The following LIPI variants were observed in gnomAD, a reference collection of about 807,000 sequenced individuals.
LIPI encodes the protein lipase I.
LIPI carries 59 observed loss-of-function variants against 50.6 expected under a neutral mutation model. The observed-to-expected ratio is 1.16, with a 90% CI of 0.94 to 1.45. The LOEUF is 1.45. Ranked by LOEUF, LIPI falls within the 40% of genes most tolerant of loss-of-function variation. LIPI has a pLI of 0.00. For missense variants in LIPI, 586 were observed against 536.3 expected, an observed-to-expected ratio of 1.09 and a Z score of -0.92; for synonymous variants, 203 against 178.2, an observed-to-expected ratio of 1.14 and a Z score of -1.11.
chr21:14,130,125 T>G (rs2017231145), intron 9 of LIPI, among the ~76,000 whole-genome samples: 1 of 152,142 alleles, frequency 6.6e-6, no homozygotes, highest in Non-Finnish European at 1.5e-5. Flanking sequence ...CTCTTCAGAG[T>G]TCTAGAGTCC....
chr21:14,185,128 GA>G (rs1446110539), intron 3 of LIPI, among the ~76,000 whole-genome samples: 1 of 152,100 alleles, frequency 6.6e-6, no homozygotes, highest in Non-Finnish European at 1.5e-5. Flanking sequence ...ACTCATAGAG[GA>G]AAGAATGAAA....
At chr21:14,154,286 C>T (rs2018200452) in intron 7 of LIPI, among the ~76,000 whole-genome samples, 1 of 151,970 alleles carries the variant, frequency 6.6e-6, no homozygotes, top group Admixed American at 6.6e-5. Context: ...GTCGTATTTT[C>T]AATGTGCTGA....
chr21:14,161,902 TATATAAC>T (rs1319114083), intron 7 of LIPI, among the ~76,000 whole-genome samples: 1 of 135,792 alleles, frequency 7.4e-6, no homozygotes, highest in South Asian at 2.2e-4. Flanking sequence ...ATAATATAGA[TATATAAC>T]ATATAGATAT....
chr21:14,208,702 G>A (rs758757982), intron 1 of LIPI, among the ~76,000 whole-genome samples: 2 of 152,164 alleles, frequency 1.3e-5, no homozygotes, highest in Non-Finnish European at 2.9e-5. Context: ...CTGAGTAGGT[G>A]CAAAAGAGAC....
intron 4 of LIPI, among the ~76,000 whole-genome samples, chr21:14,172,174 C>A (rs994741559): frequency 1.6e-4 from 24 of 151,328 alleles, no homozygotes; most frequent in African/African-American, 5.3e-4. Flanking sequence ...GAGATACCAT[C>A]TCACACCAGT....
At chr21:14,189,695 G>A (rs942591312) in intron 1 of LIPI, among the ~76,000 whole-genome samples, 3 of 152,006 alleles carry the variant, frequency 2.0e-5, no homozygotes, top group African/African-American at 4.8e-5. Context: ...GGGTGTGAGC[G>A]AAAATAAGAT....
At chr21:14,135,071 A>T (rs7277797) in intron 9 of LIPI, among the ~76,000 whole-genome samples, 3,721 of 150,650 alleles carry the variant, frequency 0.025, 151 homozygotes, top group African/African-American at 0.082. Context: ...AGAATCTATA[A>T]GTAACTCAAA....
intron 9 of LIPI, among the ~76,000 whole-genome samples, chr21:14,109,905 T>C (rs548383827): frequency 1.1e-4 from 16 of 151,928 alleles, no homozygotes; most frequent in Middle Eastern, 6.8e-3. Flanking sequence ...TGATATCTTT[T>C]TTATCTTATG....
In LIPI at chr21:14,189,426, TAAG is replaced by T. The variant is rs765063490; in HGVS notation, c.47-10_47-8del. The T allele has an allele frequency of 3.5e-5, 56 of 1,611,150 alleles. No individual in the cohort carries two copies. Among genetic ancestry groups the T allele is most frequent in the Non-Finnish European group, 4.2e-5 (50 of 1,177,812 alleles). On this transcript the variant is annotated splice_region_variant and splice_polypyrimidine_tract_variant and intron_variant, in intron 1 of 9. Coordinates refer to ENST00000681601, the MANE Select transcript of LIPI (RefSeq NM_001302998.2). ...AGGCATGGTCTTTTATTATCTGAAA[TAAG>T]AAAATGTCAGTCAAGCTGAGTACTG...
At chr21:14,137,280 A>G (rs910683181) in intron 9 of LIPI, among the ~76,000 whole-genome samples, 3 of 152,224 alleles carry the variant, frequency 2.0e-5, no homozygotes, top group East Asian at 3.8e-4. Flanking sequence ...GAACTATGTG[A>G]CCTTTTAGAC....
intron 7 of LIPI, among the ~76,000 whole-genome samples, chr21:14,155,627 T>C (rs1271744304): frequency 1.3e-5 from 2 of 152,016 alleles, no homozygotes; most frequent in African/African-American, 4.8e-5. Flanking sequence ...TCATAATGGA[T>C]TTCACATCTG....
intron 1 of LIPI, among the ~76,000 whole-genome samples, chr21:14,205,418 A>G (rs1176706210): frequency 2.0e-5 from 3 of 151,934 alleles, no homozygotes; most frequent in African/African-American, 7.2e-5. Flanking sequence ...AGATAATAAA[A>G]ACCATACACA....
intron 1 of LIPI, among the ~76,000 whole-genome samples, chr21:14,205,591 C>T (rs2020204017): frequency 6.6e-6 from 1 of 151,772 alleles, no homozygotes. Context: ...TATTAACCAA[C>T]ACAAATGTAG....
chr21:14,191,256 A>G (rs2019662725), intron 1 of LIPI, among the ~76,000 whole-genome samples: 2 of 150,712 alleles, frequency 1.3e-5, no homozygotes, highest in African/African-American at 4.8e-5. Context: ...GGGCGCCTGT[A>G]GTCCTAGCTA....
intron 4 of LIPI, among the ~76,000 whole-genome samples, chr21:14,180,215 T>C (rs1335885156): frequency 2.6e-5 from 4 of 152,166 alleles, no homozygotes; most frequent in Admixed American, 6.5e-5. Context: ...TCTTGAACCC[T>C]GTTTTTTGTT....
chr21:14,166,993 C>T (rs891955633), intron 4 of LIPI, among the ~76,000 whole-genome samples: 15 of 152,318 alleles, frequency 9.8e-5, no homozygotes, highest in African/African-American at 2.9e-4. Flanking sequence ...CCTGGAAAAT[C>T]GGGTCACTCC....
At chr21:14,136,448 GGGT>G (rs1255915366) in intron 9 of LIPI, among the ~76,000 whole-genome samples, 1 of 152,218 alleles carries the variant, frequency 6.6e-6, no homozygotes, top group African/African-American at 2.4e-5. Context: ...TTCTGTCCAA[GGGT>G]GGTGGTGCCT....
intron 9 of LIPI, among the ~76,000 whole-genome samples, chr21:14,126,764 A>G (rs1028679203): frequency 2.6e-5 from 4 of 152,164 alleles, no homozygotes; most frequent in African/African-American, 9.6e-5. Flanking sequence ...GGTTCCTGAA[A>G]CCAATCTGCC....
intron 4 of LIPI, among the ~76,000 whole-genome samples, chr21:14,180,779 A>G (rs1169201246): frequency 2.0e-5 from 3 of 152,156 alleles, no homozygotes; most frequent in Non-Finnish European, 4.4e-5. Flanking sequence ...GTCTATTGAC[A>G]TGTAGTCATG....
Sources: allele counts gnomAD v4.1 joint callset (sites outside exome capture counted in the v4.1 genomes callset), GRCh38; gene constraint gnomAD v4.1.1; transcripts MANE v1.5; gene names NCBI Gene and HGNC (gene_info 2026-07-23, HGNC 2026-07-21).